The following ANXA13 variants were observed in gnomAD, a reference collection of about 807,000 sequenced individuals.
ANXA13 encodes the protein annexin XIII.
ANXA13 carries 36 observed loss-of-function variants against 46.6 expected under a neutral mutation model. The ratio of observed to expected loss-of-function variants is 0.77; its 90% confidence interval spans 0.59 to 1.02. The LOEUF (loss-of-function observed/expected upper bound fraction) is 1.02. Among genes scored for constraint, ANXA13 ranks in the 50% least tolerant of loss-of-function variants. The pLI is 0.00. For synonymous variants in ANXA13, 163 were observed against 152.9 expected (o/e 1.07, Z -0.49); for missense variants, 417 against 396.5 (o/e 1.05, Z -0.44).
At chr8:123,686,219 TC>T (rs1435451470) in intron 9 of ANXA13, among the ~76,000 whole-genome samples, 1 of 152,084 alleles carries the variant, frequency 6.6e-6, no homozygotes, top group Non-Finnish European at 1.5e-5. Flanking sequence ...ACACCTGTAA[TC>T]CCAGCGCTTT....
intron 8 of ANXA13, among the ~76,000 whole-genome samples, 180 bp downstream of exon 8, chr8:123,693,017 G>A (rs1813268215): frequency 6.6e-6 from 1 of 152,174 alleles, no homozygotes; most frequent in Non-Finnish European, 1.5e-5. Flanking sequence ...ACCCCCAGCT[G>A]TGACAACTCC....
intron 6 of ANXA13, among the ~76,000 whole-genome samples, chr8:123,695,003 C>A (rs986660323): frequency 6.6e-6 from 1 of 151,648 alleles, no homozygotes; most frequent in African/African-American, 2.4e-5. Flanking sequence ...GGGGCTGTGT[C>A]CCAGCAGGGC....
At position 123,729,944 on chromosome 8, in the gene ANXA13, CTGGGA is replaced by C. The variant is rs1814081351; in HGVS notation, c.15+7371_15+7375del. Among the ~76,000 whole-genome samples the C allele has an allele frequency of 3.3e-5, 5 of 152,270 alleles. No individual in the cohort carries two copies. The South Asian group carries it at 1.0e-3, about 32-fold the overall frequency. ...TTCAATCTGTCACTGCCTTACATCC[CTGGGA>C]TGTGCCACCATCCACCTGTGCACAC... On this transcript the variant is annotated intron_variant, in intron 1 of 10. Transcript: ENST00000419625.
chr8:123,704,880 G>A (rs149673770), intron 2 of ANXA13, among the ~76,000 whole-genome samples: 18 of 152,186 alleles, frequency 1.2e-4, no homozygotes, highest in Admixed American at 9.2e-4. Context: ...TTTCCCAGGC[G>A]ACTTTCGCCC....
At chr8:123,722,342 A>AAAAGAAAGAAAGAAAGAAAGAAAG (rs148382346) in intron 1 of ANXA13, among the ~76,000 whole-genome samples, 32 of 136,972 alleles carry the variant, frequency 2.3e-4, no homozygotes, top group South Asian at 7.6e-4. Context: ...GAAAGAAAAG[A>AAAAGAAAGAAAGAAAGAAAGAAAG]AAAGAAAGAA....
chr8:123,718,912 C>T (rs1813807665), intron 1 of ANXA13, among the ~76,000 whole-genome samples: 1 of 152,166 alleles, frequency 6.6e-6, no homozygotes, highest in Admixed American at 6.5e-5. Flanking sequence ...ATTCTGATAC[C>T]CTCAGCCAGA....
rs979602687 is a variant in ANXA13 at position 123,690,798 on chromosome 8, C to T, written c.643-1852G>A. On this transcript the variant is annotated intron_variant, in intron 8 of 10. Transcript: ENST00000419625. This position sits in a 1 kb window ranked among gnomAD's most constrained non-coding sequence, Gnocchi z 4.6. ...TTGAAAATCGGTTTCCCCAAATGGACGGCACGCTGACAGCAGAGCCCTCTG... is the reference window on the plus strand; with the variant it reads ...TTGAAAATCGGTTTCCCCAAATGGATGGCACGCTGACAGCAGAGCCCTCTG... Among the ~76,000 whole-genome samples, 3 of 152,162 alleles carry T rather than the reference C, an allele frequency of 2.0e-5. No homozygotes were observed. Among genetic ancestry groups the T allele is most frequent in the African/African-American group, 2.4e-5 (1 of 41,434 alleles).
intron 6 of ANXA13, among the ~76,000 whole-genome samples, chr8:123,694,333 G>T (rs1364758225): frequency 6.6e-6 from 1 of 152,178 alleles, no homozygotes; most frequent in Non-Finnish European, 1.5e-5. Context: ...TATAATTCAG[G>T]TCTCCAATCA....
chr8:123,711,344 C>T (rs1813653802), intron 2 of ANXA13, among the ~76,000 whole-genome samples: 1 of 152,196 alleles, frequency 6.6e-6, no homozygotes, highest in Non-Finnish European at 1.5e-5. Flanking sequence ...GAAATCCTTC[C>T]ATCTGTGCTT....
chr8:123,733,382 T>G (rs1435004102), intron 1 of ANXA13, among the ~76,000 whole-genome samples: 1 of 152,174 alleles, frequency 6.6e-6, no homozygotes, highest in Non-Finnish European at 1.5e-5. Context: ...ATATTTCACC[T>G]GCCTCCAGAG....
intron 1 of ANXA13, among the ~76,000 whole-genome samples, chr8:123,716,850 A>G (rs1813767545): frequency 6.6e-6 from 1 of 152,162 alleles, no homozygotes; most frequent in Non-Finnish European, 1.5e-5. Context: ...TGAAACCTGA[A>G]GCAACTGAGC....
rs1315076572 is a variant in ANXA13 at position 123,690,434 on chromosome 8, C to A, written c.643-1488G>T. Among the ~76,000 whole-genome samples the A allele has an allele frequency of 6.6e-6, 1 of 152,148 alleles. No homozygotes were observed. Among genetic ancestry groups the A allele is most frequent in the Non-Finnish European group, 1.5e-5 (1 of 68,022 alleles). On this transcript the variant is annotated intron_variant, in intron 8 of 10. Coordinates refer to ENST00000419625, the MANE Select transcript of ANXA13 (RefSeq NM_004306.4). This position sits in a 1 kb window ranked among gnomAD's most constrained non-coding sequence, Gnocchi z 4.6. ...TTTGCCCGCTCAGGTTTTTTCCTTG[C>A]ACAACTCCAGGAGGCGCTATTCACA...
intron 3 of ANXA13, among the ~76,000 whole-genome samples, chr8:123,699,633 G>A (rs1227627267): frequency 6.6e-6 from 1 of 152,244 alleles, no homozygotes; most frequent in African/African-American, 2.4e-5. Context: ...ACCTAGAGTA[G>A]TTAATGCCCT....
At chr8:123,729,703 T>C (rs1408539568) in intron 1 of ANXA13, among the ~76,000 whole-genome samples, 1 of 152,178 alleles carries the variant, frequency 6.6e-6, no homozygotes, top group Non-Finnish European at 1.5e-5. Flanking sequence ...GGGTCCCTAA[T>C]GATGTACTGA....
At chr8:123,722,332 G>GA (rs1813890305) in intron 1 of ANXA13, among the ~76,000 whole-genome samples, 1 of 129,416 alleles carries the variant, frequency 7.7e-6, no homozygotes, top group South Asian at 2.5e-4. Flanking sequence ...GAAAGAAAAA[G>GA]AAAGAAAAGA....
intron 2 of ANXA13, among the ~76,000 whole-genome samples, chr8:123,705,635 T>C (rs1813524810): frequency 6.6e-6 from 1 of 152,346 alleles, no homozygotes. Flanking sequence ...CAGTGTGTGC[T>C]GTTACAGTGT....
chr8:123,683,617 C>T (rs1471251669), intron 10 of ANXA13, among the ~76,000 whole-genome samples: 11 of 144,242 alleles, frequency 7.6e-5, no homozygotes, highest in African/African-American at 2.3e-4. Flanking sequence ...GACCGAGTCT[C>T]GCTCTGTTAC....
intron 1 of ANXA13, among the ~76,000 whole-genome samples, chr8:123,714,210 G>A (rs750788056): frequency 3.7e-4 from 56 of 152,306 alleles, no homozygotes; most frequent in South Asian, 1.2e-3. Context: ...GGGGCTGTCA[G>A]TCATGAGGCT....
intron 4 of ANXA13, among the ~76,000 whole-genome samples, chr8:123,696,380 A>T (rs1303363732): frequency 6.6e-6 from 1 of 152,194 alleles, no homozygotes; most frequent in Non-Finnish European, 1.5e-5. Context: ...CTCTCCTTCA[A>T]ACAAGGCTTC....
Sources: allele counts gnomAD v4.1 joint callset (sites outside exome capture counted in the v4.1 genomes callset), GRCh38; gene constraint gnomAD v4.1.1; non-coding constraint Gnocchi (gnomAD v3.1); transcripts MANE v1.5; gene names NCBI Gene and HGNC (gene_info 2026-07-23, HGNC 2026-07-21).